The following KIAA1217 variants were observed in gnomAD, a reference collection of about 807,000 sequenced individuals.
The protein encoded by KIAA1217 is sickle tail protein homolog.
Under a neutral mutation model 163.9 loss-of-function variants are expected in KIAA1217, and 88 were observed. That is an observed-to-expected ratio of 0.54 (90% CI 0.45 to 0.64). The LOEUF (loss-of-function observed/expected upper bound fraction) is 0.64. KIAA1217 is among the 30% of genes least tolerant of loss of function. The pLI is 0.00. For synonymous variants in KIAA1217, 903 were observed against 923.1 expected, an observed-to-expected ratio of 0.98 and a Z score of 0.39; for missense variants, 2,372 against 2,475.0, an observed-to-expected ratio of 0.96 and a Z score of 0.88.
intron 3 of KIAA1217, among the ~76,000 whole-genome samples, chr10:24,389,590 CA>C (rs1317862360): frequency 6.6e-6 from 1 of 151,620 alleles, no homozygotes; most frequent in African/African-American, 2.4e-5. Flanking sequence ...ACAACAACCA[CA>C]ACAACAAAAT....
At chr10:24,395,748 A>G (rs1479314835) in intron 3 of KIAA1217, among the ~76,000 whole-genome samples, 2 of 152,044 alleles carry the variant, frequency 1.3e-5, no homozygotes, top group Non-Finnish European at 2.9e-5. Context: ...TCATAGTTCT[A>G]CAGCCTCAAT....
intron 1 of KIAA1217, among the ~76,000 whole-genome samples, chr10:23,883,521 G>A (rs1171185827): frequency 6.6e-6 from 1 of 151,842 alleles, no homozygotes; most frequent in Non-Finnish European, 1.5e-5. Flanking sequence ...AGAGGGTACA[G>A]AGCCTTCACA....
intron 1 of KIAA1217, among the ~76,000 whole-genome samples, chr10:23,863,795 G>A (rs1193191016): frequency 6.6e-6 from 1 of 151,948 alleles, no homozygotes; most frequent in Non-Finnish European, 1.5e-5. Context: ...TATTTCTACT[G>A]CCATGGCCTC....
At chr10:23,935,825 T>C (rs565023927) in intron 1 of KIAA1217, among the ~76,000 whole-genome samples, 1 of 152,308 alleles carries the variant, frequency 6.6e-6, no homozygotes, top group Admixed American at 6.5e-5. Context: ...TTTCAAACAT[T>C]TTTTAAAATC....
At chr10:23,756,114 A>G (rs1588728043) in intron 1 of KIAA1217, among the ~76,000 whole-genome samples, 1 of 144,732 alleles carries the variant, frequency 6.9e-6, no homozygotes, top group Admixed American at 7.0e-5. Context: ...GCACCACCAC[A>G]CCCGGCTAAT....
intron 1 of KIAA1217, among the ~76,000 whole-genome samples, chr10:23,874,576 A>G (rs188804003): frequency 6.6e-5 from 10 of 152,144 alleles, no homozygotes; most frequent in Non-Finnish European, 1.2e-4. Flanking sequence ...ATCTTTGCTC[A>G]TATCTCCTTA....
At chr10:24,005,725 A>G (rs997273711) in intron 1 of KIAA1217, among the ~76,000 whole-genome samples, 2 of 152,146 alleles carry the variant, frequency 1.3e-5, no homozygotes, top group African/African-American at 4.8e-5. Context: ...AGTGATATTC[A>G]ATTTTCAGTA....
intron 2 of KIAA1217, among the ~76,000 whole-genome samples, chr10:24,268,251 G>T (rs2076423454): frequency 6.6e-6 from 1 of 152,204 alleles, no homozygotes; most frequent in Middle Eastern, 3.4e-3. Context: ...TCAACAACCT[G>T]TTATATTTGA....
chr10:24,033,783 C>T (rs528195149), intron 2 of KIAA1217, among the ~76,000 whole-genome samples: 3 of 152,232 alleles, frequency 2.0e-5, no homozygotes, highest in African/African-American at 7.2e-5. Context: ...TGTCCAGCCA[C>T]CTGTTTTTAC....
At chr10:24,008,727 T>A (rs1036901553) in intron 2 of KIAA1217, among the ~76,000 whole-genome samples, 3 of 152,072 alleles carry the variant, frequency 2.0e-5, no homozygotes, top group Non-Finnish European at 4.4e-5. Context: ...CTGTTGTGAC[T>A]GTCTCTGCCA....
intron 1 of KIAA1217, among the ~76,000 whole-genome samples, chr10:23,862,100 C>T (rs1211321693): frequency 6.6e-6 from 1 of 152,106 alleles, no homozygotes; most frequent in African/African-American, 2.4e-5. Context: ...GACTACAGGT[C>T]TGGGTCTGGG....
intron 2 of KIAA1217, among the ~76,000 whole-genome samples, chr10:24,129,162 C>G (rs111833708): frequency 1.5e-3 from 223 of 152,196 alleles, no homozygotes; most frequent in African/African-American, 5.1e-3. Context: ...TAGTTCTACC[C>G]GAAGGTTTTT....
chr10:24,542,422 C>T (rs901250376), intron 17 of KIAA1217: 1 of 911,382 alleles, frequency 1.1e-6, no homozygotes, highest in Non-Finnish European at 1.5e-6. Context: ...GACTCTGTCC[C>T]TTTATTTTCT....
At chr10:23,764,207 T>C (rs1383786173) in intron 1 of KIAA1217, among the ~76,000 whole-genome samples, 1 of 152,102 alleles carries the variant, frequency 6.6e-6, no homozygotes, top group Admixed American at 6.5e-5. Context: ...GAAAAAAAGC[T>C]GAACATCACT....
chr10:24,324,635 C>G (rs16924579), intron 2 of KIAA1217, among the ~76,000 whole-genome samples: 2,195 of 152,102 alleles, frequency 0.014, 56 homozygotes, highest in African/African-American at 0.051. Flanking sequence ...ATAAATTGAC[C>G]CAGGGTGAGA....
chr10:23,891,382 A>G (rs1414956857), intron 1 of KIAA1217, among the ~76,000 whole-genome samples: 1 of 151,974 alleles, frequency 6.6e-6, no homozygotes, highest in Non-Finnish European at 1.5e-5. Context: ...GTATAAGATC[A>G]ACCCTGAGCA....
chr10:23,895,307 C>A (rs986936266), intron 1 of KIAA1217, among the ~76,000 whole-genome samples: 1 of 152,038 alleles, frequency 6.6e-6, no homozygotes, highest in Non-Finnish European at 1.5e-5. Flanking sequence ...AAAAAACAAA[C>A]AACCCCATCA....
intron 2 of KIAA1217, chr10:24,158,765 G>A (rs764625143): frequency 6.5e-5 from 32 of 489,414 alleles, no homozygotes; most frequent in Non-Finnish European, 9.9e-5. Flanking sequence ...TGTATCCAAA[G>A]CAATGGAGTA....
At chr10:24,245,304 G>A (rs2073658198) in intron 2 of KIAA1217, among the ~76,000 whole-genome samples, 1 of 152,100 alleles carries the variant, frequency 6.6e-6, no homozygotes, top group African/African-American at 2.4e-5. Flanking sequence ...AGGAGTCCTC[G>A]GAGCTGTGGT....
Sources: allele counts gnomAD v4.1 joint callset (sites outside exome capture counted in the v4.1 genomes callset), GRCh38; gene constraint gnomAD v4.1.1; transcripts MANE v1.5; gene names NCBI Gene and HGNC (gene_info 2026-07-23, HGNC 2026-07-21).